MAPKBP1: variants seen among roughly 807,000 people sequenced by gnomAD.
The protein encoded by MAPKBP1 is mitogen-activated protein kinase-binding protein 1.
Under a neutral mutation model 170.5 loss-of-function variants are expected in MAPKBP1, and 71 were observed. The ratio of observed to expected loss-of-function variants is 0.42; its 90% CI spans 0.34 to 0.51. The LOEUF (loss-of-function observed/expected upper bound fraction) is 0.51. Ranked by LOEUF, MAPKBP1 falls within the 20% of genes least tolerant of loss-of-function variation. The pLI is 0.06. For missense variants in MAPKBP1, 1,598 were observed against 1,933.0 expected (o/e 0.83, Z 3.25); for synonymous variants, 719 against 757.9 (o/e 0.95, Z 0.84).
chr15:41,812,821 A>C, intron 7 of MAPKBP1, 98 bp from the exon 8 acceptor site: 1 of 1,468,564 alleles, frequency 6.8e-7, no homozygotes, highest in African/African-American at 1.4e-5. Context: ...CCAAAGAGCA[A>C]GGAGGTGCTG....
chr15:41,803,496 A>C (rs1453893004), intron 3 of MAPKBP1, among the ~76,000 whole-genome samples: 1 of 150,880 alleles, frequency 6.6e-6, no homozygotes, highest in Admixed American at 6.6e-5. Context: ...GCTTGAGACC[A>C]AGAATTTGAA....
At chr15:41,805,871 G>T (rs2064681347) in intron 3 of MAPKBP1, among the ~76,000 whole-genome samples, 1 of 152,126 alleles carries the variant, frequency 6.6e-6, no homozygotes, top group African/African-American at 2.4e-5. Flanking sequence ...TAGCAGACAG[G>T]CCTGTGACCT....
At chr15:41,816,528 G>C (rs1272241539) in intron 12 of MAPKBP1, 31 bp from the exon 13 acceptor site, 3 of 1,532,136 alleles carry the variant, frequency 2.0e-6, no homozygotes, top group Non-Finnish European at 2.7e-6. Flanking sequence ...GCCTGGCCAT[G>C]GCCTCTTCCC....
At chr15:41,807,204 A>G (rs1227720801) in intron 3 of MAPKBP1, among the ~76,000 whole-genome samples, 1 of 152,102 alleles carries the variant, frequency 6.6e-6, no homozygotes, top group East Asian at 1.9e-4. Flanking sequence ...TCATCCTTCT[A>G]TCTACGTAGT....
At chr15:41,795,763 C>T (rs937537590) in intron 2 of MAPKBP1, among the ~76,000 whole-genome samples, 2 of 152,138 alleles carry the variant, frequency 1.3e-5, no homozygotes, top group Admixed American at 6.5e-5. Context: ...CACGGCGTCA[C>T]GCCCGGCTAA....
At chr15:41,794,241 C>A (rs2064446147) in intron 2 of MAPKBP1, among the ~76,000 whole-genome samples, 1 of 152,018 alleles carries the variant, frequency 6.6e-6, no homozygotes, top group Non-Finnish European at 1.5e-5. Flanking sequence ...AAAACAGCAA[C>A]AACAACAAAC....
At chr15:41,819,752 C>A in intron 22 of MAPKBP1, 102 bp downstream of exon 22, 1 of 1,191,794 alleles carries the variant, frequency 8.4e-7, no homozygotes, top group Admixed American at 2.1e-5. Flanking sequence ...GGCATGGGGT[C>A]TGCCCACATG....
chr15:41,788,031 C>T (rs1212506404), intron 2 of MAPKBP1, among the ~76,000 whole-genome samples: 1 of 152,062 alleles, frequency 6.6e-6, no homozygotes, highest in Non-Finnish European at 1.5e-5. Flanking sequence ...TATCTCAGCT[C>T]ACTGCAACCT....
chr15:41,785,220 G>A (rs1375039657), intron 2 of MAPKBP1, among the ~76,000 whole-genome samples: 4 of 151,976 alleles, frequency 2.6e-5, no homozygotes, highest in Non-Finnish European at 5.9e-5. Flanking sequence ...TTGTAGGCTC[G>A]CCTCTTCTGT....
intron 3 of MAPKBP1, among the ~76,000 whole-genome samples, chr15:41,801,487 A>G (rs1451272528): frequency 6.6e-6 from 1 of 152,242 alleles, no homozygotes; most frequent in East Asian, 1.9e-4. Flanking sequence ...TGTAATTTTC[A>G]TAGCAACTTT....
chr15:41,794,704 A>G (rs1415135345), intron 2 of MAPKBP1, among the ~76,000 whole-genome samples: 2 of 152,212 alleles, frequency 1.3e-5, no homozygotes, highest in East Asian at 3.8e-4. Flanking sequence ...TGCCCATTGT[A>G]TGCCAGAGAC....
rs2064185674 is a variant in MAPKBP1 at position 41,781,401 on chromosome 15, T to TTG, written c.114+6013_114+6014insGT. Among the ~76,000 whole-genome samples, 3 of 139,726 alleles carry TTG rather than the reference T, an allele frequency of 2.1e-5. No individual in the cohort carries two copies. In the South Asian group the frequency reaches 6.6e-4, roughly 31 times the overall value. The allele number at this position is 139,726 out of a possible 152,430, so 91.7% of individuals were successfully genotyped here. On this transcript the variant is annotated intron_variant, in intron 2 of 30. Coordinates refer to ENST00000457542, the MANE Select transcript of MAPKBP1 (RefSeq NM_014994.3). Reference sequence around the variant, plus strand: ...AAAACAATGCTGTGGGTTTTTTTGTTTTTTTTTTTTTCTTGCTGGGATTTT... The same window carrying TTG: ...AAAACAATGCTGTGGGTTTTTTTGTTTGTTTTTTTTTTTCTTGCTGGGATTTT...
chr15:41,806,710 A>C (rs992197867), intron 3 of MAPKBP1, among the ~76,000 whole-genome samples: 1 of 152,210 alleles, frequency 6.6e-6, no homozygotes, highest in Non-Finnish European at 1.5e-5. Context: ...GGTCCAACCC[A>C]GCCCTTGGCA....
intron 1 of MAPKBP1, 136 bp from the exon 2 acceptor site, chr15:41,775,031 C>T: frequency 2.2e-6 from 1 of 444,876 alleles, no homozygotes; most frequent in Non-Finnish European, 4.0e-6. Context: ...TTCCTTCCGA[C>T]GTTGTAAGAA....
Position 41,827,719 on chromosome 15 carries a change from T to G in MAPKBP1, c.*2283T>G. 2 of 162,182 alleles carry G rather than the reference T, an allele frequency of 1.2e-5. No individual in the cohort carries two copies. Among genetic ancestry groups the G allele is most frequent in the Admixed American group, 6.4e-5 (1 of 15,582 alleles). The allele number at this position is 162,182 out of a possible 1,614,324, so 10.0% of individuals were successfully genotyped here. A position where few individuals can be genotyped will look rare whatever the true frequency, so the allele number is the denominator to read the frequency against. On this transcript the variant is annotated 3_prime_UTR_variant, in exon 31 of 31. Coordinates refer to ENST00000457542, the MANE Select transcript of MAPKBP1 (RefSeq NM_014994.3). Reference sequence around the variant, plus strand: ...CCCCCGCCTTGTTTTGAAAGCCCCTTATTTATAACTTTTATACTTTGTGCA... The same window carrying G: ...CCCCCGCCTTGTTTTGAAAGCCCCTGATTTATAACTTTTATACTTTGTGCA...
Position 41,818,118 on chromosome 15 carries a change from C to A in MAPKBP1, c.1980+34C>A, listed in dbSNP as rs762870807. Reference sequence around the variant, plus strand: ...CCAGAGGGGGTACTGGACAGGGGCTCGGGGACAGAGTGGTGCTGGGTGGGA... The same window carrying A: ...CCAGAGGGGGTACTGGACAGGGGCTAGGGGACAGAGTGGTGCTGGGTGGGA... On this transcript the variant is annotated intron_variant, in intron 17 of 30. Transcript: ENST00000457542. The surrounding 1 kb of genome is among the most constrained non-coding windows in gnomAD (Gnocchi z 5.2). The A allele has an allele frequency of 6.2e-7, 1 of 1,611,810 alleles. No individual in the cohort carries two copies. Among genetic ancestry groups the A allele is most frequent in the Non-Finnish European group, 8.5e-7 (1 of 1,178,110 alleles).
In MAPKBP1 at chr15:41,815,617, C is replaced by T; in HGVS notation, c.1318-7C>T. The T allele has an allele frequency of 6.2e-7, 1 of 1,611,562 alleles. No homozygotes were observed. The highest frequency in any genetic ancestry group is 1.1e-5 in the South Asian group (1 of 90,890). Reference sequence around the variant, plus strand: ...CCTCATCCACCTTTTCTAACCTGTTCCACTAGGACCTCATTAAAATCATCT... The same window carrying T: ...CCTCATCCACCTTTTCTAACCTGTTTCACTAGGACCTCATTAAAATCATCT... On this transcript the variant is annotated splice_polypyrimidine_tract_variant and splice_region_variant and intron_variant, in intron 11 of 30. Transcript: ENST00000457542.
At chr15:41,797,983 G>T (rs2064520994) in intron 2 of MAPKBP1, among the ~76,000 whole-genome samples, 2 of 152,022 alleles carry the variant, frequency 1.3e-5, no homozygotes, top group African/African-American at 4.8e-5. Flanking sequence ...GGGTGCGGTG[G>T]CTCATGCCTG....
At chr15:41,801,255 GC>G (rs2064588623) in intron 3 of MAPKBP1, among the ~76,000 whole-genome samples, 1 of 152,154 alleles carries the variant, frequency 6.6e-6, no homozygotes, top group Admixed American at 6.5e-5. Flanking sequence ...GGGGAGTGGG[GC>G]TACTATTCTT....
Sources: allele counts gnomAD v4.1 joint callset (sites outside exome capture counted in the v4.1 genomes callset), GRCh38; gene constraint gnomAD v4.1.1; non-coding constraint Gnocchi (gnomAD v3.1); transcripts MANE v1.5; gene names NCBI Gene and HGNC (gene_info 2026-07-23, HGNC 2026-07-21).